Variants in ADGRG2 observed in about 807,000 individuals in gnomAD.
ADGRG2 encodes G protein-coupled receptor 64.
ADGRG2 carries 26 observed loss-of-function variants against 74.1 expected under a neutral mutation model. The ratio of observed to expected loss-of-function variants is 0.35; its 90% CI spans 0.26 to 0.49. The LOEUF (loss-of-function observed/expected upper bound fraction) is 0.49, where lower values mean the gene tolerates loss of function less well. Ranked by LOEUF, ADGRG2 falls within the 20% of genes least tolerant of loss-of-function variation. ADGRG2 has a pLI of 0.99. For missense variants in ADGRG2, 619 were observed against 763.1 expected, an observed-to-expected ratio of 0.81 and a Z score of 2.22; for synonymous variants, 296 against 295.2, an observed-to-expected ratio of 1.00 and a Z score of -0.03.
At chrX:19,027,417 C>T in intron 10 of ADGRG2, 143 bp from the exon 11 acceptor site, 2 of 457,429 alleles carry the variant, frequency 4.4e-6, no homozygotes, top group South Asian at 7.9e-5. Flanking sequence ...GGAACATTGT[C>T]TATCTAAATG....
intron 18 of ADGRG2, among the ~76,000 whole-genome samples, chrX:19,008,591 G>A (rs1389685722): frequency 1.8e-5 from 2 of 110,334 alleles, no homozygotes; most frequent in East Asian, 2.9e-4. Flanking sequence ...TCTTGAACCC[G>A]GGAGGCGGAG....
At chrX:19,006,370 A>C (rs2060231863) in intron 20 of ADGRG2, 105 bp from the exon 21 acceptor site, 1 of 578,408 alleles carries the variant, frequency 1.7e-6, no homozygotes. Flanking sequence ...GTTTTTTTTA[A>C]ATTTCAGAAT....
rs137949877 is a variant in ADGRG2, at chrX:19,100,486, C to A, written c.-46-17740G>T. ...GGGCCTTGGGCCATGGTTTGCCAAC[C>A]CCTGGCCTAGAAAAATGCTATATAA... On this transcript the variant is annotated intron_variant, in intron 1 of 28. Transcript: ENST00000379869. Among the ~76,000 whole-genome samples, 133 of 113,016 alleles carry A rather than the reference C, an allele frequency of 1.2e-3. 1 individual carries two copies. The highest frequency in any genetic ancestry group is 4.1e-3 in the African/African-American group (127 of 31,216).
intron 28 of ADGRG2, among the ~76,000 whole-genome samples, chrX:18,992,142 G>A (rs183883253): frequency 1.3e-4 from 15 of 112,140 alleles, no homozygotes; most frequent in Admixed American, 1.1e-3. Context: ...ACTAGGTGAT[G>A]AATATGGTTA....
intron 3 of ADGRG2, among the ~76,000 whole-genome samples, chrX:19,065,000 G>A (rs2061093422): frequency 1.8e-5 from 2 of 110,692 alleles, no homozygotes; most frequent in South Asian, 7.7e-4. Context: ...GCAGGGCGTG[G>A]TGGCTCACAT....
At position 19,023,896 on chromosome X, in the gene ADGRG2, G is replaced by A. The variant is rs1031339578; in HGVS notation, c.510+13C>T. ...AATAATTATAAACAAGCTACAGGGT[G>A]CACTATGATTACCTCACTTAGGGTT... On this transcript the variant is annotated intron_variant, in intron 12 of 28. Transcript: ENST00000379869. 2.7e-6 allele frequency: 3 copies of A among 1,129,955 alleles called. No individual in the cohort carries two copies. Among genetic ancestry groups the A allele is most frequent in the Admixed American group, 4.4e-5 (2 of 45,534 alleles). The allele number at this position is 1,129,955 out of a possible 1,213,427, so 93.1% of individuals were successfully genotyped here.
At chrX:19,052,342 G>T (rs1048201048) in intron 3 of ADGRG2, among the ~76,000 whole-genome samples, 6 of 111,149 alleles carry the variant, frequency 5.4e-5, no homozygotes, top group Admixed American at 3.9e-4. Flanking sequence ...GTTCTATGGG[G>T]TCTTTCCAGG....
intron 3 of ADGRG2, among the ~76,000 whole-genome samples, chrX:19,052,937 C>T (rs753507425): frequency 7.1e-4 from 79 of 111,606 alleles, no homozygotes; most frequent in African/African-American, 2.4e-3. Flanking sequence ...TCAGGTGATC[C>T]GCTTGCCTCG....
intron 1 of ADGRG2, among the ~76,000 whole-genome samples, chrX:19,090,999 GA>G (rs2062008892): frequency 9.0e-6 from 1 of 111,577 alleles, no homozygotes; most frequent in Non-Finnish European, 1.9e-5. Flanking sequence ...GCTGAAACTG[GA>G]AGGGTGAGAG....
intron 1 of ADGRG2, among the ~76,000 whole-genome samples, chrX:19,085,229 A>G (rs1362542617): frequency 8.9e-6 from 1 of 112,406 alleles, no homozygotes; most frequent in African/African-American, 3.2e-5. Context: ...GTGTATTAAC[A>G]TACAGAGACT....
At chrX:19,045,382 A>G (rs1467292022) in intron 3 of ADGRG2, among the ~76,000 whole-genome samples, 1 of 107,586 alleles carries the variant, frequency 9.3e-6, no homozygotes, top group Non-Finnish European at 1.9e-5. Flanking sequence ...ATCTCGGCTC[A>G]CTGCAAGCTC....
At chrX:19,013,615 A>C in intron 16 of ADGRG2, 71 bp downstream of exon 16, 1 of 923,271 alleles carries the variant, frequency 1.1e-6, no homozygotes, top group East Asian at 3.2e-5. Flanking sequence ...CATCATACAA[A>C]GAAAGGCTCA....
intron 3 of ADGRG2, 80 bp downstream of exon 3, chrX:19,068,636 TA>T (rs938325624): frequency 2.2e-6 from 1 of 449,588 alleles, no homozygotes. Flanking sequence ...TTTACCACAG[TA>T]AAAAAATCCT....
chrX:19,031,294 T>C, intron 8 of ADGRG2: 3 of 352,434 alleles, frequency 8.5e-6, no homozygotes, highest in Non-Finnish European at 1.5e-5. Context: ...CCTAAAATTT[T>C]TGACCCCTTC....
At chrX:19,027,325 T>C in intron 10 of ADGRG2, 51 bp from the exon 11 acceptor site, 1 of 775,940 alleles carries the variant, frequency 1.3e-6, no homozygotes. Context: ...GTTTTGTTTT[T>C]TCACTCTCTA....
chrX:19,048,913 G>A (rs549035220), intron 3 of ADGRG2, among the ~76,000 whole-genome samples: 5 of 111,940 alleles, frequency 4.5e-5, no homozygotes, highest in South Asian at 7.5e-4. Flanking sequence ...GCGGGAGGCC[G>A]ACTCACCTTT....
chrX:19,107,617 T>C (rs1241977031), intron 1 of ADGRG2, among the ~76,000 whole-genome samples: 1 of 102,952 alleles, frequency 9.7e-6, no homozygotes, highest in Non-Finnish European at 1.9e-5. Flanking sequence ...CATTCAGCAG[T>C]TCCAGGAGTT....
At chrX:19,065,067 C>T (rs1045206710) in intron 3 of ADGRG2, among the ~76,000 whole-genome samples, 14 of 108,233 alleles carry the variant, frequency 1.3e-4, no homozygotes, top group East Asian at 5.8e-4. Flanking sequence ...CCCAGGAATT[C>T]GAGACCACCC....
intron 11 of ADGRG2, among the ~76,000 whole-genome samples, chrX:19,024,385 A>T (rs1326361460): frequency 9.0e-6 from 1 of 111,019 alleles, no homozygotes; most frequent in African/African-American, 3.3e-5. Flanking sequence ...GCCCTCTCCA[A>T]CGCTGCCTTC....
Sources: gnomAD v4.1 joint callset for allele counts (sites outside exome capture counted in the v4.1 genomes callset) on GRCh38, gnomAD v4.1.1 for gene constraint, MANE v1.5 for transcripts, NCBI Gene and HGNC (gene_info 2026-07-23, HGNC 2026-07-21) for gene names.